The following FAF1 variants were observed in gnomAD, a reference collection of about 807,000 sequenced individuals.
FAF1 encodes the protein Fas associated factor 1, also known as FAS-associated factor 1.
A neutral mutation model predicts 92.5 loss-of-function variants in FAF1; 25 were observed. That is an observed-to-expected ratio of 0.27 (90% CI 0.20 to 0.38). The LOEUF is 0.38. Ranked by LOEUF, FAF1 falls within the 10% of genes least tolerant of loss-of-function variation. The pLI is 1.00. For missense variants in FAF1, 636 were observed against 793.3 expected, an observed-to-expected ratio of 0.80 and a Z score of 2.38; for synonymous variants, 234 against 273.2, an observed-to-expected ratio of 0.86 and a Z score of 1.42.
chr1:50,816,429 C>T (rs1006755465), intron 2 of FAF1, among the ~76,000 whole-genome samples: 1 of 152,054 alleles, frequency 6.6e-6, no homozygotes, highest in Non-Finnish European at 1.5e-5. Context: ...TGGTTTCAAT[C>T]TCCTGACCTC....
intron 4 of FAF1, among the ~76,000 whole-genome samples, chr1:50,752,984 A>T (rs1659928628): frequency 6.6e-6 from 1 of 152,166 alleles, no homozygotes; most frequent in African/African-American, 2.4e-5. Context: ...GCACCCAACC[A>T]TCATCCTCTT....
chr1:50,590,683 TG>T lies in FAF1; in HGVS notation c.840+5437del, dbSNP rs111517306. 1.5e-3 allele frequency among the ~76,000 whole-genome samples: 224 copies of T among 152,264 alleles called. 2 individuals carry two copies. The highest frequency in any genetic ancestry group is 5.2e-3 in the African/African-American group (214 of 41,536). ...CCAGAACTATGTCAAATAGAAATGG[TG>T]AAAGGGGTCATTCTTGGCCGGGCGC... On this transcript the variant is annotated intron_variant, in intron 9 of 18. Transcript: ENST00000396153.
At chr1:50,543,555 T>A (rs1207225498) in intron 13 of FAF1, among the ~76,000 whole-genome samples, 1 of 152,230 alleles carries the variant, frequency 6.6e-6, no homozygotes, top group Non-Finnish European at 1.5e-5. Context: ...ACACTTGGAC[T>A]TGTGCCTAAA....
At chr1:50,867,975 T>A (rs1236164273) in intron 1 of FAF1, among the ~76,000 whole-genome samples, 1 of 152,004 alleles carries the variant, frequency 6.6e-6, no homozygotes. Flanking sequence ...GGTATATATA[T>A]CCCATGGAAT....
intron 1 of FAF1, among the ~76,000 whole-genome samples, chr1:50,889,000 T>C (rs1334327517): frequency 2.6e-5 from 4 of 152,152 alleles, no homozygotes; most frequent in East Asian, 1.9e-4. Flanking sequence ...GTCCCGGACT[T>C]TTTTTGGTTG....
chr1:50,909,272 G>T (rs1644864639), intron 1 of FAF1, among the ~76,000 whole-genome samples: 1 of 152,158 alleles, frequency 6.6e-6, no homozygotes, highest in Admixed American at 6.5e-5. Context: ...TTCCCTTTGT[G>T]GGTAACTCGA....
chr1:50,837,485 G>GTTA (rs1644218955), intron 2 of FAF1, among the ~76,000 whole-genome samples: 1 of 152,048 alleles, frequency 6.6e-6, no homozygotes, highest in East Asian at 1.9e-4. Flanking sequence ...TTTTTGGCAA[G>GTTA]AATACTACAT....
At chr1:50,781,018 G>A (rs1432471201) in intron 4 of FAF1, 1 of 468,138 alleles carries the variant, frequency 2.1e-6, no homozygotes, top group Middle Eastern at 4.6e-4. Context: ...CAACTCACTG[G>A]CCACTGTGGG....
chr1:50,848,858 A>C (rs1335480142), intron 2 of FAF1, among the ~76,000 whole-genome samples: 1 of 152,224 alleles, frequency 6.6e-6, no homozygotes, highest in Non-Finnish European at 1.5e-5. Context: ...GGCTACAGAG[A>C]CGTGAAAACT....
At chr1:50,857,845 T>G (rs1026192442) in intron 2 of FAF1, 84 bp downstream of exon 2, 1 of 793,664 alleles carries the variant, frequency 1.3e-6, no homozygotes, top group Non-Finnish European at 2.1e-6. Flanking sequence ...TATGGTATGC[T>G]GAACCCATCT....
intron 8 of FAF1, among the ~76,000 whole-genome samples, chr1:50,613,528 T>G (rs1253637250): frequency 6.6e-6 from 1 of 152,206 alleles, no homozygotes; most frequent in East Asian, 1.9e-4. Flanking sequence ...CAGCTCTACG[T>G]TGTAAGACAT....
chr1:50,614,151 C>T lies in FAF1; in HGVS notation c.745-17935G>A, dbSNP rs1407279236. On this transcript the variant is annotated intron_variant, in intron 8 of 18. Coordinates refer to ENST00000396153, the MANE Select transcript of FAF1 (RefSeq NM_007051.3). ...AACCAAGAGACAAAAATGGGAAAAC[C>T]CTCAGATCCAAAACTCTTTTCAAAA... 2.6e-5 allele frequency among the ~76,000 whole-genome samples: 4 copies of T among 151,390 alleles called. No homozygotes were observed. In the East Asian group the frequency reaches 7.7e-4, roughly 29 times the overall value.
intron 8 of FAF1, among the ~76,000 whole-genome samples, chr1:50,642,568 G>T (rs1654389403): frequency 6.6e-6 from 1 of 151,824 alleles, no homozygotes; most frequent in Non-Finnish European, 1.5e-5. Context: ...AGAGTCACTT[G>T]AACCCGGGAG....
intron 7 of FAF1, among the ~76,000 whole-genome samples, chr1:50,704,549 G>A (rs998835631): frequency 4.0e-5 from 6 of 151,886 alleles, no homozygotes; most frequent in African/African-American, 9.7e-5. Flanking sequence ...TGGAGCCACG[G>A]CAAAACATTA....
intron 4 of FAF1, among the ~76,000 whole-genome samples, chr1:50,745,970 C>CAATGA: frequency 6.6e-6 from 1 of 151,918 alleles, no homozygotes; most frequent in East Asian, 1.9e-4. Context: ...AAAATGCTGA[C>CAATGA]AGTGATATGG....
intron 6 of FAF1, among the ~76,000 whole-genome samples, chr1:50,723,210 G>C (rs564906681): frequency 3.7e-4 from 57 of 152,218 alleles, no homozygotes; most frequent in African/African-American, 1.3e-3. Context: ...AGACCAGCCT[G>C]GCCAACACGG....
chr1:50,448,064 CTT>C (rs1249468701), intron 18 of FAF1, among the ~76,000 whole-genome samples: 5 of 152,196 alleles, frequency 3.3e-5, no homozygotes, highest in Non-Finnish European at 7.3e-5. Flanking sequence ...AATACTAACA[CTT>C]AAATTCAAAT....
At chr1:50,772,389 A>G (rs1049734715) in intron 4 of FAF1, among the ~76,000 whole-genome samples, 3 of 152,210 alleles carry the variant, frequency 2.0e-5, no homozygotes, top group African/African-American at 7.2e-5. Flanking sequence ...CATAAAAGAC[A>G]CATGTACTCA....
At position 50,938,700 on chromosome 1, in the gene FAF1, CT is replaced by C. The variant is rs145904844; in HGVS notation, c.45+21066del. Among the ~76,000 whole-genome samples, 1,280 of 152,214 alleles carry C rather than the reference CT, an allele frequency of 8.4e-3. 19 individuals carry two copies. Among genetic ancestry groups the C allele is most frequent in the African/African-American group, 0.029 (1,185 of 41,528 alleles). On this transcript the variant is annotated intron_variant, in intron 1 of 18. Coordinates refer to ENST00000396153, the MANE Select transcript of FAF1 (RefSeq NM_007051.3). Reference sequence around the variant, plus strand: ...TGGGTTTTCTTCTACTAGGATTTTCCTGGTTTGAGGTCTTTCATTTAAATCT... The same window carrying C: ...TGGGTTTTCTTCTACTAGGATTTTCCGGTTTGAGGTCTTTCATTTAAATCT...
Sources: gnomAD v4.1 joint callset for allele counts (sites outside exome capture counted in the v4.1 genomes callset) on GRCh38, gnomAD v4.1.1 for gene constraint, MANE v1.5 for transcripts, NCBI Gene and HGNC (gene_info 2026-07-23, HGNC 2026-07-21) for gene names.